Variants in SLC35F1 observed in about 807,000 individuals in gnomAD.
SLC35F1 encodes solute carrier family 35 member F1.
SLC35F1 carries 14 observed loss-of-function variants against 48.7 expected under a neutral mutation model. That is an observed-to-expected ratio of 0.29 (90% CI 0.19 to 0.45). The LOEUF is 0.45. Ranked by LOEUF, SLC35F1 falls within the 20% of genes least tolerant of loss-of-function variation. The probability of loss-of-function intolerance (pLI) is 1.00; values close to 1 mark genes in which losing one functional copy is unlikely to be tolerated. For synonymous variants in SLC35F1, 190 were observed against 202.2 expected, an observed-to-expected ratio of 0.94 and a Z score of 0.51; for missense variants, 404 against 500.0, an observed-to-expected ratio of 0.81 and a Z score of 1.83.
intron 4 of SLC35F1, among the ~76,000 whole-genome samples, chr6:118,269,025 CA>C (rs1274225709): frequency 6.6e-6 from 1 of 152,164 alleles, no homozygotes; most frequent in Non-Finnish European, 1.5e-5. Context: ...CCCAGCCATT[CA>C]TCTTGGCCAT....
chr6:118,261,311 C>T (rs1775709079), intron 3 of SLC35F1, among the ~76,000 whole-genome samples: 1 of 152,146 alleles, frequency 6.6e-6, no homozygotes, highest in South Asian at 2.1e-4. Flanking sequence ...GAAGGAATTC[C>T]ATTTCATGAG....
chr6:117,939,008 C>CTTT (rs576443846), intron 1 of SLC35F1, among the ~76,000 whole-genome samples: 11 of 132,068 alleles, frequency 8.3e-5, no homozygotes, highest in Admixed American at 4.8e-4. Flanking sequence ...AATTCTTGTT[C>CTTT]TTTTTTTTTT....
At chr6:118,085,455 C>A (rs557178489) in intron 1 of SLC35F1, among the ~76,000 whole-genome samples, 1 of 145,490 alleles carries the variant, frequency 6.9e-6, no homozygotes, top group South Asian at 2.2e-4. Flanking sequence ...AATCATCCAG[C>A]CTATAGTTTT....
chr6:117,973,013 G>C (rs1776662646), intron 1 of SLC35F1, among the ~76,000 whole-genome samples: 1 of 152,156 alleles, frequency 6.6e-6, no homozygotes, highest in Non-Finnish European at 1.5e-5. Context: ...GTATCTGTTA[G>C]GACTACTATA....
intron 3 of SLC35F1, among the ~76,000 whole-genome samples, chr6:118,246,169 A>G (rs1775505128): frequency 6.6e-6 from 1 of 152,180 alleles, no homozygotes; most frequent in African/African-American, 2.4e-5. Flanking sequence ...GATATGTTGG[A>G]AGGAGAATTT....
intron 1 of SLC35F1, among the ~76,000 whole-genome samples, chr6:118,050,379 C>CAA (rs199829799): frequency 6.8e-4 from 95 of 139,534 alleles, no homozygotes; most frequent in East Asian, 6.2e-3. Context: ...AATAAAATTT[C>CAA]AAAAAAAAAA....
At chr6:118,282,232 G>A (rs111461903) in intron 6 of SLC35F1, among the ~76,000 whole-genome samples, 6,041 of 152,240 alleles carry the variant, frequency 0.04, 413 homozygotes, top group African/African-American at 0.14. Context: ...ACTATCTAAT[G>A]TCCATCTAAG....
intron 3 of SLC35F1, among the ~76,000 whole-genome samples, chr6:118,244,985 C>T (rs1775488558): frequency 6.6e-6 from 1 of 152,178 alleles, no homozygotes; most frequent in South Asian, 2.1e-4. Flanking sequence ...CATTTATTCA[C>T]ACAGGACACA....
intron 1 of SLC35F1, among the ~76,000 whole-genome samples, chr6:118,018,628 G>A (rs1025451800): frequency 7.2e-5 from 11 of 151,996 alleles, no homozygotes; most frequent in Admixed American, 2.0e-4. Context: ...ATGCTTAGAG[G>A]TCTATATATA....
intron 1 of SLC35F1, among the ~76,000 whole-genome samples, chr6:118,076,203 A>G (rs1407711370): frequency 6.6e-6 from 1 of 152,218 alleles, no homozygotes; most frequent in Non-Finnish European, 1.5e-5. Context: ...CCCAAATTAC[A>G]TAAATTATAG....
intron 2 of SLC35F1, among the ~76,000 whole-genome samples, chr6:118,232,531 A>G (rs899896018): frequency 1.5e-5 from 2 of 135,332 alleles, no homozygotes; most frequent in African/African-American, 5.9e-5. Flanking sequence ...CTGGGTGACA[A>G]GAGTGAAACT....
intron 2 of SLC35F1, among the ~76,000 whole-genome samples, chr6:118,159,652 C>T (rs1325092823): frequency 6.6e-6 from 1 of 152,144 alleles, no homozygotes; most frequent in Non-Finnish European, 1.5e-5. Flanking sequence ...GAGGCGAGGA[C>T]AGACTGGGGT....
At chr6:118,139,455 T>C (rs1350639566) in intron 1 of SLC35F1, among the ~76,000 whole-genome samples, 1 of 152,200 alleles carries the variant, frequency 6.6e-6, no homozygotes, top group African/African-American at 2.4e-5. Flanking sequence ...TACTAAATCA[T>C]CTGGAAATGG....
At chr6:118,241,922 G>A (rs1775446201) in intron 3 of SLC35F1, among the ~76,000 whole-genome samples, 1 of 151,928 alleles carries the variant, frequency 6.6e-6, no homozygotes, top group African/African-American at 2.4e-5. Context: ...TTTTATTGTT[G>A]AGTAGTATCC....
At position 118,140,601 on chromosome 6, in the gene SLC35F1, T is replaced by TG. The variant is rs990268235; in HGVS notation, c.174-13844_174-13843insG. ...TCTTTTAGAGTGTATTCCTTATATTTTTTTTTTTGTATAAAAGTTAACTGT... is the reference window on the plus strand; with the variant it reads ...TCTTTTAGAGTGTATTCCTTATATTTGTTTTTTTTGTATAAAAGTTAACTGT... On this transcript the variant is annotated intron_variant, in intron 1 of 7. Transcript: ENST00000360388. Among the ~76,000 whole-genome samples, 22 of 151,980 alleles carry TG rather than the reference T, an allele frequency of 1.4e-4. 2 individuals carry two copies. Among genetic ancestry groups the TG allele is most frequent in the African/African-American group, 4.1e-4 (17 of 41,468 alleles).
intron 1 of SLC35F1, among the ~76,000 whole-genome samples, chr6:118,031,008 G>A (rs1361172664): frequency 2.0e-5 from 3 of 151,944 alleles, no homozygotes; most frequent in Non-Finnish European, 2.9e-5. Flanking sequence ...AAGCCTGAGT[G>A]GAAAATACAT....
At chr6:118,301,745 G>T (rs1021734527) in intron 7 of SLC35F1, among the ~76,000 whole-genome samples, 1 of 152,096 alleles carries the variant, frequency 6.6e-6, no homozygotes, top group African/African-American at 2.4e-5. Flanking sequence ...TTTAGGCTTT[G>T]CAGGCCATAC....
At chr6:118,286,233 T>C (rs1776047434) in intron 7 of SLC35F1, among the ~76,000 whole-genome samples, 1 of 152,164 alleles carries the variant, frequency 6.6e-6, no homozygotes, top group Non-Finnish European at 1.5e-5. Flanking sequence ...GAGACACTAC[T>C]CTGGCCACTT....
At chr6:117,924,571 A>G (rs1177497569) in intron 1 of SLC35F1, among the ~76,000 whole-genome samples, 1 of 128,406 alleles carries the variant, frequency 7.8e-6, no homozygotes, top group African/African-American at 3.2e-5. Context: ...TATATATTTA[A>G]AGTTTCTGTT....
Sources: allele counts gnomAD v4.1 joint callset (sites outside exome capture counted in the v4.1 genomes callset), GRCh38; gene constraint gnomAD v4.1.1; transcripts MANE v1.5; gene names NCBI Gene and HGNC (gene_info 2026-07-23, HGNC 2026-07-21).